The following SHROOM4 variants were observed in gnomAD, a reference collection of about 807,000 sequenced individuals.
The protein encoded by SHROOM4 is shroom family member 4.
In SHROOM4, 17 loss-of-function variants were observed where a neutral mutation model predicts 80.3. The ratio of observed to expected loss-of-function variants is 0.21; its 90% CI spans 0.14 to 0.32. SHROOM4 has a LOEUF of 0.32. Among genes scored for constraint, SHROOM4 ranks in the 10% least tolerant of loss-of-function variants. SHROOM4 has a pLI of 1.00. For missense variants in SHROOM4, 993 were observed against 1,140.3 expected (o/e 0.87, Z 1.86); for synonymous variants, 400 against 437.5 (o/e 0.91, Z 1.07).
At chrX:50,581,679 G>A in the SHROOM4 span, among the ~76,000 whole-genome samples, 2 of 111,886 alleles carry the variant, frequency 1.8e-5, no homozygotes, top group African/African-American at 6.5e-5. Flanking sequence ...GTTAGTTTTA[G>A]GACCACATGA....
intron 2 of SHROOM4, among the ~76,000 whole-genome samples, chrX:50,641,171 T>C (rs1331495193): frequency 2.7e-5 from 3 of 111,817 alleles, no homozygotes; most frequent in Admixed American, 1.9e-4. Flanking sequence ...GGGTCCATAA[T>C]AATATGATAT....
intron 1 of SHROOM4, among the ~76,000 whole-genome samples, chrX:50,802,773 A>G (rs1049035849): frequency 4.5e-5 from 5 of 111,667 alleles, no homozygotes; most frequent in African/African-American, 1.6e-4. Flanking sequence ...TCCAAACCAC[A>G]AAATGGCTAC....
At chrX:50,751,707 G>C (rs2147603497) in intron 1 of SHROOM4, among the ~76,000 whole-genome samples, 1 of 112,045 alleles carries the variant, frequency 8.9e-6, no homozygotes, top group African/African-American at 3.2e-5. Context: ...CATATTAGCA[G>C]TGTTTAATTA....
intron 4 of SHROOM4, among the ~76,000 whole-genome samples, chrX:50,628,525 C>T (rs1052132881): frequency 2.2e-4 from 25 of 111,423 alleles, no homozygotes; most frequent in Non-Finnish European, 1.9e-4. Flanking sequence ...ACAGTTTTTC[C>T]TAAATTTCAC....
chrX:50,801,282 G>GAGAGAGAGAGAGAGAGAGAGAGAGAT (rs1487666030), intron 1 of SHROOM4, among the ~76,000 whole-genome samples: 4 of 106,981 alleles, frequency 3.7e-5, no homozygotes, highest in African/African-American at 1.0e-4. Context: ...GAGAGAGAGA[G>GAGAGAGAGAGAGAGAGAGAGAGAGAT]AGAGAGAGAA....
intron 5 of SHROOM4, among the ~76,000 whole-genome samples, chrX:50,626,768 T>C (rs1930822709): frequency 8.9e-6 from 1 of 111,861 alleles, no homozygotes; most frequent in Non-Finnish European, 1.9e-5. Context: ...GCACATAGGT[T>C]GTTTGGCAAG....
In SHROOM4 at chrX:50,748,708, G is replaced by A. The variant is rs950928955; in HGVS notation, c.118-52771C>T. Among the ~76,000 whole-genome samples the A allele has an allele frequency of 2.7e-5, 3 of 111,439 alleles. 1 individual carries two copies. The highest frequency in any genetic ancestry group is 5.6e-5 in the Non-Finnish European group (3 of 53,153). Reference sequence around the variant, plus strand: ...AGAACTAGTTGGTCCCCCATACTTAGGAGCCAAAGTATTCAGACCATTAGA... The same window carrying A: ...AGAACTAGTTGGTCCCCCATACTTAAGAGCCAAAGTATTCAGACCATTAGA... On this transcript the variant is annotated intron_variant, in intron 1 of 8. Transcript: ENST00000376020.
In SHROOM4 at chrX:50,749,142, A is replaced by G. The variant is rs781830054; in HGVS notation, c.118-53205T>C. Among the ~76,000 whole-genome samples, 4 of 111,960 alleles carry G rather than the reference A, an allele frequency of 3.6e-5. No individual in the cohort carries two copies. The South Asian group carries it at 1.5e-3, about 42-fold the overall frequency. ...TGGGAGGATTGCTTGAGCCCAGGAG[A>G]TGGAGGCTGCAGTGAGCCGTGATCA... is the stretch of plus-strand genomic sequence containing the variant. On this transcript the variant is annotated intron_variant, in intron 1 of 8. Transcript: ENST00000376020.
At chrX:50,689,902 C>G (rs998888243) in intron 2 of SHROOM4, among the ~76,000 whole-genome samples, 1 of 111,739 alleles carries the variant, frequency 8.9e-6, no homozygotes, top group Non-Finnish European at 1.9e-5. Flanking sequence ...ATAGAATATT[C>G]TTTCTTAGAG....
At position 50,635,243 on chromosome X, in the gene SHROOM4, G is replaced by A; in HGVS notation, c.830C>T (p.Pro277Leu). ...GGCCTGAAGGCTGTCCCGCCTCACT[G>A]GAGGTTGTGGTGGGCCCCTGACTGC... The part of the protein sequence containing the change: ...AKAVRGPPQP[P>L]VRRDSLQASR... Residue 277 changes from proline to leucine, a missense_variant, in exon 4 of 9, where the codon CCA becomes CTA. Coordinates refer to ENST00000376020, the MANE Select transcript of SHROOM4 (RefSeq NM_020717.5). 8.3e-7 allele frequency: 1 copy of A among 1,203,585 alleles called. No homozygotes were observed. The highest frequency in any genetic ancestry group is 1.1e-6 in the Non-Finnish European group (1 of 891,219).
intron 1 of SHROOM4, among the ~76,000 whole-genome samples, chrX:50,712,375 C>T (rs1239246983): frequency 8.9e-6 from 1 of 111,783 alleles, no homozygotes; most frequent in Non-Finnish European, 1.9e-5. Flanking sequence ...CATCCTTCTA[C>T]AACACGGAGA....
intron 1 of SHROOM4, among the ~76,000 whole-genome samples, chrX:50,766,916 C>T (rs17003197): frequency 0.13 from 13,908 of 110,591 alleles, 1,728 homozygotes; most frequent in African/African-American, 0.39. Flanking sequence ...AGAAGATGAA[C>T]GAGGAAACAG....
chrX:50,725,757 A>C (rs782350970), intron 1 of SHROOM4, among the ~76,000 whole-genome samples: 5 of 112,616 alleles, frequency 4.4e-5, no homozygotes, highest in Non-Finnish European at 7.5e-5. Context: ...TCTTCTTCAT[A>C]AATTACCCAG....
intron 1 of SHROOM4, 105 bp downstream of exon 1, chrX:50,813,797 C>A: frequency 1.7e-6 from 1 of 591,026 alleles, no homozygotes. Context: ...CGCTCCCAGC[C>A]CTAAGTTTCA....
At chrX:50,769,097 C>A (rs1407891471) in intron 1 of SHROOM4, among the ~76,000 whole-genome samples, 5 of 109,326 alleles carry the variant, frequency 4.6e-5, no homozygotes, top group Admixed American at 3.9e-4. Context: ...CTCCCTCTTG[C>A]CCTATTCTAA....
intron 1 of SHROOM4, among the ~76,000 whole-genome samples, chrX:50,725,781 T>C (rs922523134): frequency 8.9e-6 from 1 of 112,564 alleles, no homozygotes; most frequent in Admixed American, 9.4e-5. Context: ...CAGGTAGTTC[T>C]TTATAGCAGT....
At chrX:50,790,776 T>C (rs1337355109) in intron 1 of SHROOM4, among the ~76,000 whole-genome samples, 1 of 110,956 alleles carries the variant, frequency 9.0e-6, no homozygotes, top group Non-Finnish European at 1.9e-5. Context: ...AAACTAGAAA[T>C]AGAATGAAAT....
intron 1 of SHROOM4, among the ~76,000 whole-genome samples, chrX:50,744,062 T>C (rs1014639160): frequency 9.0e-6 from 1 of 111,604 alleles, no homozygotes; most frequent in Non-Finnish European, 1.9e-5. Context: ...TTTCAGCATT[T>C]TGACTATGAT....
In SHROOM4 at chrX:50,591,669, T is replaced by C; in HGVS notation, c.*5026A>G. 3.4e-6 allele frequency: 1 copy of C among 292,942 alleles called. No individual in the cohort carries two copies. Among genetic ancestry groups the C allele is most frequent in the South Asian group, 3.0e-5 (1 of 33,279 alleles). 24.1% of individuals were successfully genotyped at this position (292,942 alleles called of 1,213,427 possible). ...TTTGATGCTATTGTAAATGGAACTGTTTTCTTTCTTTCTTTCTTTCTTTCT... is the reference window on the plus strand; with the variant it reads ...TTTGATGCTATTGTAAATGGAACTGCTTTCTTTCTTTCTTTCTTTCTTTCT... On this transcript the variant is annotated 3_prime_UTR_variant, in exon 9 of 9. Coordinates refer to ENST00000376020, the MANE Select transcript of SHROOM4 (RefSeq NM_020717.5).
Sources: gnomAD v4.1 joint callset for allele counts (sites outside exome capture counted in the v4.1 genomes callset) on GRCh38, gnomAD v4.1.1 for gene constraint, MANE v1.5 for transcripts, NCBI Gene and HGNC (gene_info 2026-07-23, HGNC 2026-07-21) for gene names.